Variants in SND1 observed in about 807,000 individuals in gnomAD.
The protein encoded by SND1 is staphylococcal nuclease and tudor domain containing 1.
A neutral mutation model predicts 121.7 loss-of-function variants in SND1; 38 were observed. That is an observed-to-expected ratio of 0.31 (90% confidence interval 0.24 to 0.41). The LOEUF is 0.41. Among genes scored for constraint, SND1 ranks in the 10% least tolerant of loss-of-function variants. The probability of loss-of-function intolerance (pLI) is 1.00; values close to 1 mark genes in which losing one functional copy is unlikely to be tolerated. For synonymous variants in SND1, 401 were observed against 447.4 expected (o/e 0.90, Z 1.31); for missense variants, 868 against 1,184.6 (o/e 0.73, Z 3.92).
chr7:127,665,486 C>G (rs559279111), intron 1 of SND1, among the ~76,000 whole-genome samples: 1 of 151,892 alleles, frequency 6.6e-6, no homozygotes, highest in African/African-American at 2.4e-5. Context: ...CGCGCCCGGC[C>G]GACAGTCAAC....
chr7:127,986,492 C>A (rs141463524), intron 15 of SND1, among the ~76,000 whole-genome samples: 1 of 152,324 alleles, frequency 6.6e-6, no homozygotes, highest in African/African-American at 2.4e-5. Flanking sequence ...AGTGGCAGAG[C>A]AGAACCCAGA....
intron 7 of SND1, among the ~76,000 whole-genome samples, chr7:127,703,611 C>A (rs1012535726): frequency 1.3e-5 from 2 of 152,138 alleles, no homozygotes; most frequent in Non-Finnish European, 2.9e-5. Flanking sequence ...ACTCAGGAGG[C>A]TGAGGCAGGA....
chr7:128,021,923 G>A (rs1803357459), intron 16 of SND1, among the ~76,000 whole-genome samples: 2 of 152,114 alleles, frequency 1.3e-5, no homozygotes, highest in Non-Finnish European at 2.9e-5. Flanking sequence ...GTAGGTGGGG[G>A]CTGGGTACAG....
intron 11 of SND1, among the ~76,000 whole-genome samples, chr7:127,837,583 T>G (rs1370665764): frequency 6.6e-6 from 1 of 152,212 alleles, no homozygotes; most frequent in Non-Finnish European, 1.5e-5. Context: ...ACGGCTAATG[T>G]CTGAATTAGC....
chr7:127,951,305 G>A (rs1306801627), intron 15 of SND1, among the ~76,000 whole-genome samples: 1 of 152,242 alleles, frequency 6.6e-6, no homozygotes, highest in Non-Finnish European at 1.5e-5. Context: ...ATTATGCTAA[G>A]TGACACAAGC....
chr7:127,657,204 C>T (rs1471607885), intron 1 of SND1, among the ~76,000 whole-genome samples: 1 of 152,160 alleles, frequency 6.6e-6, no homozygotes, highest in Non-Finnish European at 1.5e-5. Flanking sequence ...AAAAGTAGAT[C>T]AAATTTCTAT....
intron 14 of SND1, among the ~76,000 whole-genome samples, chr7:127,918,873 A>G (rs552655928): frequency 2.2e-4 from 33 of 152,334 alleles, no homozygotes; most frequent in African/African-American, 7.9e-4. Context: ...ATAAATCTTT[A>G]TTGAGTAAAA....
At chr7:127,691,522 G>A (rs1477658033) in intron 2 of SND1, among the ~76,000 whole-genome samples, 4 of 152,016 alleles carry the variant, frequency 2.6e-5, no homozygotes, top group East Asian at 1.9e-4. Flanking sequence ...CCAGCCTGGC[G>A]ACAGAGCGAG....
At chr7:127,671,591 G>A (rs760197328) in intron 1 of SND1, among the ~76,000 whole-genome samples, 1 of 152,128 alleles carries the variant, frequency 6.6e-6, no homozygotes, top group South Asian at 2.1e-4. Context: ...GTACACTATA[G>A]CCTTGAACTC....
At chr7:128,023,721 T>C (rs1803409757) in intron 16 of SND1, among the ~76,000 whole-genome samples, 1 of 152,222 alleles carries the variant, frequency 6.6e-6, no homozygotes. Flanking sequence ...TGTCTCTCTT[T>C]GGACATATAC....
chr7:127,818,533 G>A (rs1376237729), intron 11 of SND1, among the ~76,000 whole-genome samples: 2 of 152,168 alleles, frequency 1.3e-5, no homozygotes, highest in African/African-American at 2.4e-5. Context: ...CTCCCTCTCA[G>A]CCCCTGGCTT....
chr7:128,060,522 T>C (rs1793213052), intron 16 of SND1, among the ~76,000 whole-genome samples: 1 of 152,200 alleles, frequency 6.6e-6, no homozygotes, highest in Non-Finnish European at 1.5e-5. Context: ...AAATAAAGGA[T>C]GGGGCTTGGC....
intron 11 of SND1, among the ~76,000 whole-genome samples, chr7:127,835,426 C>G (rs528970697): frequency 6.6e-6 from 1 of 152,168 alleles, no homozygotes; most frequent in East Asian, 1.9e-4. Flanking sequence ...CTGTGATTGA[C>G]GCTTGTATAA....
chr7:127,836,685 A>G (rs1375742606), intron 11 of SND1, among the ~76,000 whole-genome samples: 2 of 152,214 alleles, frequency 1.3e-5, no homozygotes, highest in Non-Finnish European at 2.9e-5. Flanking sequence ...AATATCAGCA[A>G]TTAACAGAAG....
intron 1 of SND1, among the ~76,000 whole-genome samples, chr7:127,680,209 A>G (rs1587590681): frequency 6.6e-6 from 1 of 152,298 alleles, no homozygotes; most frequent in African/African-American, 2.4e-5. Context: ...TTCACAAGGT[A>G]ATAGACTATC....
intron 10 of SND1, among the ~76,000 whole-genome samples, chr7:127,769,375 A>G (rs1478423456): frequency 1.3e-5 from 2 of 152,168 alleles, no homozygotes; most frequent in African/African-American, 4.8e-5. Flanking sequence ...CAGGATGTAA[A>G]CATGTTTGCC....
intron 15 of SND1, among the ~76,000 whole-genome samples, chr7:127,946,745 A>G (rs1195843737): frequency 6.6e-6 from 1 of 152,240 alleles, no homozygotes. Context: ...GAGATCCACC[A>G]TTTAAGCCTC....
intron 15 of SND1, among the ~76,000 whole-genome samples, chr7:127,981,885 T>C (rs1802270706): frequency 6.6e-6 from 1 of 152,206 alleles, no homozygotes; most frequent in African/African-American, 2.4e-5. Context: ...TCATCAATAC[T>C]CCACAGGTTA....
intron 14 of SND1, among the ~76,000 whole-genome samples, chr7:127,924,193 A>G (rs988740431): frequency 1.3e-5 from 2 of 152,218 alleles, no homozygotes; most frequent in East Asian, 1.9e-4. Flanking sequence ...AGGGAGGCCC[A>G]TCAGGATTGA....
Sources: gnomAD v4.1 joint callset for allele counts (sites outside exome capture counted in the v4.1 genomes callset) on GRCh38, gnomAD v4.1.1 for gene constraint, MANE v1.5 for transcripts, NCBI Gene and HGNC (gene_info 2026-07-23, HGNC 2026-07-21) for gene names.